The following MEIKIN variants were observed in gnomAD, a reference collection of about 807,000 sequenced individuals.
The protein encoded by MEIKIN is meiosis-specific kinetochore protein.
At chr5:131,940,094 T>C (rs1327522042) in intron 4 of MEIKIN, among the ~76,000 whole-genome samples, 1 of 152,208 alleles carries the variant, frequency 6.6e-6, no homozygotes, top group East Asian at 1.9e-4. Context: ...ACAATTACAC[T>C]GTGGTTTTAA....
At chr5:131,879,211 G>C (rs1358832010) in intron 8 of MEIKIN, among the ~76,000 whole-genome samples, 163 bp from the exon 9 acceptor site, 4 of 152,124 alleles carry the variant, frequency 2.6e-5, no homozygotes, top group African/African-American at 4.8e-5. Context: ...AAAAATTAAT[G>C]TATGTTGAAT....
At chr5:131,831,933 C>T (rs949553034) in intron 11 of MEIKIN, among the ~76,000 whole-genome samples, 8 of 152,170 alleles carry the variant, frequency 5.3e-5, no homozygotes, top group East Asian at 1.9e-4. Flanking sequence ...GGGTCCCTTC[C>T]ACAACACATG....
intron 11 of MEIKIN, among the ~76,000 whole-genome samples, chr5:131,824,348 TAA>T (rs1238238504): frequency 2.0e-4 from 28 of 140,442 alleles, no homozygotes; most frequent in Admixed American, 1.4e-4. Context: ...GACCTGGCTC[TAA>T]AAAAAAAAAA....
At chr5:131,940,409 A>C (rs1318875223) in intron 4 of MEIKIN, among the ~76,000 whole-genome samples, 1 of 152,184 alleles carries the variant, frequency 6.6e-6, no homozygotes, top group African/African-American at 2.4e-5. Context: ...TAATATTTTT[A>C]GTTCCCAGGG....
intron 5 of MEIKIN, among the ~76,000 whole-genome samples, chr5:131,925,404 C>T (rs1751570708): frequency 6.6e-6 from 1 of 152,206 alleles, no homozygotes; most frequent in Non-Finnish European, 1.5e-5. Flanking sequence ...TCTTCCAACT[C>T]ATAAACATGG....
chr5:131,822,636 G>GT (rs1181129691), intron 11 of MEIKIN, among the ~76,000 whole-genome samples: 6 of 151,982 alleles, frequency 3.9e-5, no homozygotes, highest in African/African-American at 1.4e-4. Context: ...TTATTGTACT[G>GT]TCTATGTCTT....
intron 8 of MEIKIN, among the ~76,000 whole-genome samples, chr5:131,885,762 C>T (rs1750784530): frequency 6.6e-6 from 1 of 152,164 alleles, no homozygotes; most frequent in African/African-American, 2.4e-5. Flanking sequence ...GAAAACATAA[C>T]AGCTCAGCCA....
intron 4 of MEIKIN, among the ~76,000 whole-genome samples, chr5:131,935,885 C>T (rs932438868): frequency 1.0e-4 from 15 of 143,620 alleles, no homozygotes; most frequent in Admixed American, 7.1e-5. Context: ...ATATCCTCAA[C>T]TGTCAGAGTA....
chr5:131,891,125 T>C (rs369167060), intron 8 of MEIKIN, among the ~76,000 whole-genome samples: 10 of 152,126 alleles, frequency 6.6e-5, no homozygotes, highest in Non-Finnish European at 1.2e-4. Flanking sequence ...CTGAGGAGTG[T>C]TTTACTTCCA....
At chr5:131,818,965 G>T (rs1749423060) in intron 11 of MEIKIN, 102 bp from the exon 12 acceptor site, 1 of 386,294 alleles carries the variant, frequency 2.6e-6, no homozygotes, top group South Asian at 1.4e-4. Context: ...GTATTTCTTA[G>T]ATATTAATAA....
chr5:131,826,787 T>C (rs1466512879), intron 11 of MEIKIN, among the ~76,000 whole-genome samples: 1 of 152,122 alleles, frequency 6.6e-6, no homozygotes, highest in African/African-American at 2.4e-5. Flanking sequence ...TGCTTCCCCT[T>C]CACCTTCCAC....
At chr5:131,923,708 A>T (rs1021592299) in intron 5 of MEIKIN, among the ~76,000 whole-genome samples, 1 of 151,862 alleles carries the variant, frequency 6.6e-6, no homozygotes, top group African/African-American at 2.4e-5. Flanking sequence ...GAAGATTTTT[A>T]AAAATATTTT....
chr5:131,903,962 AAAAAAAAC>A (rs1162564228), intron 8 of MEIKIN, among the ~76,000 whole-genome samples: 5 of 151,980 alleles, frequency 3.3e-5, no homozygotes, highest in East Asian at 1.9e-4. Context: ...AAGCCAATTA[AAAAAAAAC>A]AAAAAAACAA....
chr5:131,880,306 T>C lies in MEIKIN; in HGVS notation c.704-1258A>G, dbSNP rs1003067835. Among the ~76,000 whole-genome samples, 20 of 151,510 alleles carry C rather than the reference T, an allele frequency of 1.3e-4. 1 individual carries two copies. The highest frequency in any genetic ancestry group is 5.9e-5 in the Non-Finnish European group (4 of 67,880). ...TTAGTAGAGACAGGGTTTCACCATG[T>C]TGGCCAGGCTGGTCTCAAACTCCTG... On this transcript the variant is annotated intron_variant, in intron 8 of 12. Transcript: ENST00000442687.
At chr5:131,810,821 A>G (rs1772939550) in intron 12 of MEIKIN, among the ~76,000 whole-genome samples, 1 of 152,222 alleles carries the variant, frequency 6.6e-6, no homozygotes, top group Non-Finnish European at 1.5e-5. Flanking sequence ...TTTAATCAGC[A>G]TAGTGCCAGT....
chr5:131,810,201 T>C (rs1320682134), intron 12 of MEIKIN, among the ~76,000 whole-genome samples: 1 of 152,236 alleles, frequency 6.6e-6, no homozygotes, highest in Non-Finnish European at 1.5e-5. Flanking sequence ...TATTATTATC[T>C]AGAAAATCAA....
At chr5:131,815,286 C>T (rs1467509878) in intron 12 of MEIKIN, among the ~76,000 whole-genome samples, 8 of 152,188 alleles carry the variant, frequency 5.3e-5, no homozygotes, top group Non-Finnish European at 1.0e-4. Context: ...TCAGTTATAG[C>T]ACCAGCTAGG....
At chr5:131,886,073 C>T (rs774230247) in intron 8 of MEIKIN, among the ~76,000 whole-genome samples, 1 of 151,970 alleles carries the variant, frequency 6.6e-6, no homozygotes, top group East Asian at 1.9e-4. Flanking sequence ...CAGAAGAAAG[C>T]ATTAGTGAGC....
intron 9 of MEIKIN, among the ~76,000 whole-genome samples, chr5:131,870,737 T>G (rs1750475271): frequency 6.6e-6 from 1 of 152,140 alleles, no homozygotes. Context: ...CAGGCAAAAT[T>G]ATCTTGAATA....
Sources: gnomAD v4.1 joint callset for allele counts (sites outside exome capture counted in the v4.1 genomes callset) on GRCh38, gnomAD v4.1.1 for gene constraint, MANE v1.5 for transcripts, NCBI Gene and HGNC (gene_info 2026-07-23, HGNC 2026-07-21) for gene names.